PALS1: variants seen among roughly 807,000 people sequenced by gnomAD.
PALS1 encodes the protein protein PALS1.
In PALS1, 31 loss-of-function variants were observed where a neutral mutation model predicts 78.9. The observed-to-expected ratio is 0.39, with a 90% CI of 0.30 to 0.53. The LOEUF (loss-of-function observed/expected upper bound fraction) is 0.53. Ranked by LOEUF, PALS1 falls within the 20% of genes least tolerant of loss-of-function variation. The pLI is 0.67. For missense variants in PALS1, 704 were observed against 826.5 expected, an observed-to-expected ratio of 0.85 and a Z score of 1.82; for synonymous variants, 276 against 270.9, an observed-to-expected ratio of 1.02 and a Z score of -0.18.
At chr14:67,319,041 G>A (rs1566576690) in intron 11 of PALS1, among the ~76,000 whole-genome samples, 2 of 150,058 alleles carry the variant, frequency 1.3e-5, no homozygotes, top group Non-Finnish European at 2.9e-5. Context: ...CTGGGCGACA[G>A]AGCGAGACTC....
At chr14:67,290,952 G>A (rs989628527) in intron 3 of PALS1, among the ~76,000 whole-genome samples, 1 of 152,118 alleles carries the variant, frequency 6.6e-6, no homozygotes, top group South Asian at 2.1e-4. Flanking sequence ...TTAAATAGAA[G>A]TTAAATAAAG....
chr14:67,322,412 G>A lies in PALS1; in HGVS notation c.1740+1153G>A, dbSNP rs367891750. ...GTTTTTAAGAAACTCCAAATGTTAC[G>A]GAAAATTGTTTAATTTTTGTAGACC... On this transcript the variant is annotated intron_variant, in intron 13 of 14. Transcript: ENST00000261681. Among the ~76,000 whole-genome samples the A allele has an allele frequency of 7.9e-5, 12 of 152,232 alleles. No homozygotes were observed. In the East Asian group the frequency reaches 1.7e-3, roughly 22 times the overall value.
At chr14:67,254,645 G>A (rs1437769536) in intron 1 of PALS1, among the ~76,000 whole-genome samples, 1 of 152,130 alleles carries the variant, frequency 6.6e-6, no homozygotes, top group Non-Finnish European at 1.5e-5. Flanking sequence ...GATAGCACCA[G>A]ATATGAGTCC....
intron 8 of PALS1, among the ~76,000 whole-genome samples, chr14:67,311,365 C>T (rs1398469014): frequency 6.6e-6 from 1 of 150,444 alleles, no homozygotes; most frequent in Non-Finnish European, 1.5e-5. Context: ...AGAAATGGAC[C>T]TTGAATTCTT....
intron 4 of PALS1, among the ~76,000 whole-genome samples, chr14:67,300,060 T>G (rs1183082301): frequency 6.6e-6 from 1 of 152,172 alleles, no homozygotes; most frequent in Non-Finnish European, 1.5e-5. Context: ...CCTTGTCCAT[T>G]GTAAGATTTT....
chr14:67,306,612 G>A (rs190669852), intron 8 of PALS1, among the ~76,000 whole-genome samples: 47 of 151,516 alleles, frequency 3.1e-4, no homozygotes, highest in African/African-American at 1.0e-3. Context: ...CTGATGATCC[G>A]CCCACCTTGG....
At chr14:67,327,367 T>A (rs1450285227) in intron 14 of PALS1, among the ~76,000 whole-genome samples, 2 of 151,880 alleles carry the variant, frequency 1.3e-5, no homozygotes, top group African/African-American at 4.8e-5. Flanking sequence ...TAAATTGATA[T>A]AAAAGGCGGG....
At chr14:67,280,880 CCTT>C (rs2084599028) in intron 3 of PALS1, among the ~76,000 whole-genome samples, 2 of 134,174 alleles carry the variant, frequency 1.5e-5, no homozygotes, top group African/African-American at 5.6e-5. Context: ...TCCCTCCCTC[CCTT>C]TTCTTTCTTT....
At chr14:67,318,367 T>G (rs1397469881) in intron 11 of PALS1, among the ~76,000 whole-genome samples, 5 of 152,242 alleles carry the variant, frequency 3.3e-5, no homozygotes, top group Non-Finnish European at 7.3e-5. Flanking sequence ...TGACAGATTA[T>G]GTAACTAAAA....
chr14:67,301,788 A>G (rs866636173), intron 5 of PALS1, among the ~76,000 whole-genome samples, 184 bp from the exon 6 acceptor site: 1 of 152,178 alleles, frequency 6.6e-6, no homozygotes, highest in African/African-American at 2.4e-5. Context: ...TAAGCATTTT[A>G]GACTTTCATA....
intron 3 of PALS1, among the ~76,000 whole-genome samples, chr14:67,283,498 C>T (rs958340870): frequency 5.3e-5 from 8 of 152,278 alleles, no homozygotes; most frequent in African/African-American, 1.9e-4. Flanking sequence ...AGTTTTAGTT[C>T]AGCCTGCTTC....
intron 1 of PALS1, among the ~76,000 whole-genome samples, chr14:67,264,111 T>A (rs2084280512): frequency 6.6e-6 from 1 of 152,212 alleles, no homozygotes; most frequent in Admixed American, 6.5e-5. Context: ...AAGGATTAGA[T>A]GATGTCGTGG....
chr14:67,280,510 C>T (rs959776950), intron 3 of PALS1, among the ~76,000 whole-genome samples: 2 of 152,142 alleles, frequency 1.3e-5, no homozygotes, highest in Non-Finnish European at 2.9e-5. Context: ...ATCCTGTTAA[C>T]AGTACTCTGT....
At chr14:67,253,432 T>G (rs2084094832) in intron 1 of PALS1, among the ~76,000 whole-genome samples, 2 of 152,340 alleles carry the variant, frequency 1.3e-5, no homozygotes, top group South Asian at 4.1e-4. Context: ...AACAGTTTAC[T>G]TATATAGTGA....
chr14:67,285,934 G>C (rs1223555793), intron 3 of PALS1, among the ~76,000 whole-genome samples: 1 of 152,072 alleles, frequency 6.6e-6, no homozygotes, highest in Non-Finnish European at 1.5e-5. Context: ...AAATGTAAGT[G>C]AATTTTCTTA....
intron 4 of PALS1, among the ~76,000 whole-genome samples, chr14:67,297,087 A>G (rs1408742034): frequency 6.6e-6 from 1 of 152,274 alleles, no homozygotes; most frequent in Non-Finnish European, 1.5e-5. Flanking sequence ...CACATGTGTG[A>G]CAAAGCACTT....
chr14:67,305,684 C>G (rs2084992454), intron 8 of PALS1, among the ~76,000 whole-genome samples: 2 of 152,172 alleles, frequency 1.3e-5, no homozygotes, highest in African/African-American at 4.8e-5. Context: ...CGAAGTGTTA[C>G]ATTGAAACTT....
chr14:67,296,780 G>A (rs1429670363), intron 4 of PALS1, among the ~76,000 whole-genome samples: 1 of 151,954 alleles, frequency 6.6e-6, no homozygotes, highest in African/African-American at 2.4e-5. Flanking sequence ...TGTCACCCAG[G>A]CTGCTGTGCA....
chr14:67,288,056 C>T (rs1379600328), intron 3 of PALS1, among the ~76,000 whole-genome samples: 1 of 152,016 alleles, frequency 6.6e-6, no homozygotes. Context: ...TCTTTCACAA[C>T]ACACTAACAG....
Sources: allele counts gnomAD v4.1 joint callset (sites outside exome capture counted in the v4.1 genomes callset), GRCh38; gene constraint gnomAD v4.1.1; transcripts MANE v1.5; gene names NCBI Gene and HGNC (gene_info 2026-07-23, HGNC 2026-07-21).